ARHGEF40: variants seen among roughly 807,000 people sequenced by gnomAD.
ARHGEF40 encodes Rho guanine nucleotide exchange factor 40, also known as Rho guanine nucleotide exchange factor (GEF) 40.
Under a neutral mutation model 165.9 loss-of-function variants are expected in ARHGEF40, and 98 were observed. The observed-to-expected ratio is 0.59, with a 90% CI of 0.50 to 0.70. ARHGEF40 has a LOEUF of 0.70. Ranked by LOEUF, ARHGEF40 falls within the 30% of genes least tolerant of loss-of-function variation. The pLI is 0.00. For synonymous variants in ARHGEF40, 792 were observed against 814.3 expected (o/e 0.97, Z 0.47); for missense variants, 1,815 against 1,968.0 (o/e 0.92, Z 1.47).
Position 21,089,232 on chromosome 14 carries a change from GCCTTCATAC to G in ARHGEF40, c.*228_*236del, listed in dbSNP as rs556378240. ...AGGAGTCAGAGCAGCCACATTGCTT[GCCTTCATAC>G]CCTGGAGGTGGGGAAGTTATCCCTC... On this transcript the variant is annotated 3_prime_UTR_variant, in exon 24 of 24. Coordinates refer to ENST00000298694, the MANE Select transcript of ARHGEF40 (RefSeq NM_018071.5). 9 of 229,546 alleles carry G rather than the reference GCCTTCATAC, an allele frequency of 3.9e-5. No homozygotes were observed. The highest frequency in any genetic ancestry group is 7.7e-5 in the Non-Finnish European group (9 of 117,498). The allele number at this position is 229,546 out of a possible 1,614,324, so 14.2% of individuals were successfully genotyped here. A position where few individuals can be genotyped will look rare whatever the true frequency, so the allele number is the denominator to read the frequency against.
chr14:21,075,459 A>G lies in ARHGEF40; in HGVS notation c.1578A>G (p.Val526=), dbSNP rs766768821. The G allele has an allele frequency of 3.7e-6, 6 of 1,614,086 alleles. No individual in the cohort carries two copies. The South Asian group carries it at 5.5e-5, about 15-fold the overall frequency. Residue 526 remains valine, a synonymous_variant, in exon 4 of 24, where the codon GTA becomes GTG. Coordinates refer to ENST00000298694, the MANE Select transcript of ARHGEF40 (RefSeq NM_018071.5). This position sits in a 1 kb window ranked among gnomAD's most constrained non-coding sequence, Gnocchi z 4.5. ...TCTCCGTCTCTGATCACCCTGATGT[A>G]GCTTGGGACTTGATGGCATCTGGAT... ...LAVSVSDHPD[V]AWDLMASGFL...
chr14:21,075,342 C>T lies in ARHGEF40; in HGVS notation c.1461C>T (p.Gly487=). 1 of 1,614,006 alleles carries T rather than the reference C, an allele frequency of 6.2e-7. No individual in the cohort carries two copies. The highest frequency in any genetic ancestry group is 2.2e-5 in the East Asian group (1 of 44,876). The change falls in exon 4 of 24, where the codon GGC becomes GGT. Residue 487 remains glycine, a synonymous_variant. Coordinates refer to ENST00000298694, the MANE Select transcript of ARHGEF40 (RefSeq NM_018071.5). This position sits in a 1 kb window ranked among gnomAD's most constrained non-coding sequence, Gnocchi z 4.5. The part of the protein sequence containing the change: ...PGLLCMAGHT[G]PEGPLSDTPT... ...TCTGTGTCTGTGCAGGACACACAGG[C>T]CCAGAAGGCCCCCTGTCTGACACTC...
At position 21,078,756 on chromosome 14, in the gene ARHGEF40, G is replaced by GTTCA. The variant is rs1437984935; in HGVS notation, c.2247-127_2247-124dup. The stretch of plus-strand genomic sequence containing the variant: ...CAGGATTCAAACCAAAGCAGTCAGG[G>GTTCA]TTCAGCCCATGCTTTTGATCCATGC... On this transcript the variant is annotated intron_variant, in intron 10 of 23. Transcript: ENST00000298694. 3 of 1,373,602 alleles carry GTTCA rather than the reference G, an allele frequency of 2.2e-6. No individual in the cohort carries two copies. The East Asian group carries it at 7.1e-5, about 32-fold the overall frequency. 85.1% of individuals were successfully genotyped at this position (1,373,602 alleles called of 1,614,324 possible).
rs1352300155 is a variant in ARHGEF40, at chr14:21,081,019, G to C, written c.2640+3G>C. ...GGCTACAGCGCTTCTTCCAGCAGGT[G>C]CATGCAGAGCCTTTTCCTTCTGTGC... On this transcript the variant is annotated splice_donor_region_variant and intron_variant, in intron 13 of 23. Coordinates refer to ENST00000298694, the MANE Select transcript of ARHGEF40 (RefSeq NM_018071.5). 6.2e-7 allele frequency: 1 copy of C among 1,611,010 alleles called. No individual in the cohort carries two copies. Among genetic ancestry groups the C allele is most frequent in the East Asian group, 2.2e-5 (1 of 44,804 alleles).
At position 21,080,904 on chromosome 14, in the gene ARHGEF40, C is replaced by A. The variant is rs1394191578; in HGVS notation, c.2528C>A (p.Ala843Asp). The change falls in exon 13 of 24, where the codon GCT (alanine) becomes GAT (aspartate). Residue 843 changes from alanine to aspartate, a missense_variant. Ala to Asp is a moderately radical substitution (Grantham distance 126). Transcript: ENST00000298694. ...CTGGCCCAGGCACGGGAGGCCCTGG[C>A]TCTGGAGGAGAATGCCACCTCCCAG... Reference protein sequence around the residue: ...ERLAQAREALALEENATSQKV... With the variant: ...ERLAQAREALDLEENATSQKV... 1 of 1,614,048 alleles carries A rather than the reference C, an allele frequency of 6.2e-7. No homozygotes were observed. Among genetic ancestry groups the A allele is most frequent in the African/African-American group, 1.3e-5 (1 of 74,936 alleles).
chr14:21,088,719 T>G, intron 22 of ARHGEF40, 111 bp from the exon 23 acceptor site: 1 of 1,161,388 alleles, frequency 8.6e-7, no homozygotes, highest in Admixed American at 2.5e-5. Context: ...ATTCAAGGAT[T>G]TTGGGTAGGA....
rs914055508 is a variant in ARHGEF40, at chr14:21,072,052, T to G, written c.4-993T>G. Reference sequence around the variant, plus strand: ...CTGCATTGAGTATCCCCTTCCCCATTTACAGCAAAAAAGAAAAAAAAATTC... The same window carrying G: ...CTGCATTGAGTATCCCCTTCCCCATGTACAGCAAAAAAGAAAAAAAAATTC... On this transcript the variant is annotated intron_variant, in intron 1 of 23. Coordinates refer to ENST00000298694, the MANE Select transcript of ARHGEF40 (RefSeq NM_018071.5). This position sits in a 1 kb window ranked among gnomAD's most constrained non-coding sequence, Gnocchi z 4.1. 6.6e-6 allele frequency among the ~76,000 whole-genome samples: 1 copy of G among 151,934 alleles called. No homozygotes were observed. Among genetic ancestry groups the G allele is most frequent in the Non-Finnish European group, 1.5e-5 (1 of 67,964 alleles).
In ARHGEF40 at chr14:21,074,284, G is replaced by A. The variant is rs113574695; in HGVS notation, c.554G>A (p.Arg185Gln). 2.9e-5 allele frequency: 46 copies of A among 1,614,020 alleles called. No individual in the cohort carries two copies. The highest frequency in any genetic ancestry group is 9.3e-5 in the African/African-American group (7 of 74,928). Residue 185 changes from arginine (R) to glutamine (Q), a missense_variant, in exon 3 of 24, where the codon CGA (arginine) becomes CAA (glutamine). Coordinates refer to ENST00000298694, the MANE Select transcript of ARHGEF40 (RefSeq NM_018071.5). The surrounding 1 kb of genome is among the most constrained non-coding windows in gnomAD (Gnocchi z 4.8). ...CCCTGGGCTGAGCTCATCTGTCCAC[G>A]ATTTGTGCACAAAGAGGGCCTCATG... ...RLPWAELICP[R>Q]FVHKEGLMVG...
chr14:21,079,588 C>T (rs887356676), intron 11 of ARHGEF40, among the ~76,000 whole-genome samples: 46 of 152,222 alleles, frequency 3.0e-4, no homozygotes, highest in African/African-American at 1.1e-3. Context: ...TGCTCTCCAC[C>T]CTACCATGTG....
rs112084369 is a variant in ARHGEF40 at position 21,076,896 on chromosome 14, C to T, written c.2034+6C>T. 7 of 1,606,004 alleles carry T rather than the reference C, an allele frequency of 4.4e-6. No homozygotes were observed. In the African/African-American group the frequency reaches 5.3e-5, roughly 12 times the overall value. On this transcript the variant is annotated splice_donor_region_variant and intron_variant, in intron 8 of 23. Coordinates refer to ENST00000298694, the MANE Select transcript of ARHGEF40 (RefSeq NM_018071.5). The stretch of plus-strand genomic sequence containing the variant: ...ACTGGGTAGAGATACACCAGGTAAG[C>T]TTCCCCTCTACCACCTAGCATGCTG...
Position 21,089,853 on chromosome 14 carries a change from G to C in ARHGEF40, c.*845G>C, listed in dbSNP as rs151180024. 1,159 of 179,996 alleles carry C rather than the reference G, an allele frequency of 6.4e-3. 8 individuals are homozygous for C. The highest frequency in any genetic ancestry group is 0.025 in the African/African-American group (1,077 of 42,280). 11.1% of individuals were successfully genotyped at this position (179,996 alleles called of 1,614,324 possible). A position where few individuals can be genotyped will look rare whatever the true frequency, so the allele number is the denominator to read the frequency against. On this transcript the variant is annotated 3_prime_UTR_variant, in exon 24 of 24. Coordinates refer to ENST00000298694, the MANE Select transcript of ARHGEF40 (RefSeq NM_018071.5). Reference sequence around the variant, plus strand: ...CACAGTCCAGCAGTTCTCAAAATGAGGTCCTCAGGCCACAGTGCGTGAGAA... The same window carrying C: ...CACAGTCCAGCAGTTCTCAAAATGACGTCCTCAGGCCACAGTGCGTGAGAA...
intron 1 of ARHGEF40, among the ~76,000 whole-genome samples, chr14:21,071,359 C>G (rs1316872190): frequency 7.9e-5 from 12 of 152,050 alleles, no homozygotes; most frequent in Admixed American, 7.9e-4. Flanking sequence ...GGGCCGCTCG[C>G]TGCAGAGTGG....
the ARHGEF40 span, among the ~76,000 whole-genome samples, chr14:21,065,166 T>C: frequency 9.6e-4 from 143 of 148,914 alleles, no homozygotes; most frequent in African/African-American, 3.5e-3. Flanking sequence ...CAAAACTCCA[T>C]CTCAAAAAAA....
rs769779522 is a variant in ARHGEF40, at chr14:21,089,581, T to A, written c.*573T>A. 1 of 152,660 alleles carries A rather than the reference T, an allele frequency of 6.6e-6. No individual in the cohort carries two copies. The highest frequency in any genetic ancestry group is 1.5e-5 in the Non-Finnish European group (1 of 68,074). 9.5% of individuals were successfully genotyped at this position (152,660 alleles called of 1,614,324 possible). A position where few individuals can be genotyped will look rare whatever the true frequency, so the allele number is the denominator to read the frequency against. On this transcript the variant is annotated 3_prime_UTR_variant, in exon 24 of 24. Transcript: ENST00000298694. The stretch of plus-strand genomic sequence containing the variant: ...AAGGAGCTAGAGTAGTCCTCTGGAT[T>A]AAGGTGATAAATAACTTGAGCACTT...
At position 21,081,817 on chromosome 14, in the gene ARHGEF40, C is replaced by T. The variant is rs1213731240; in HGVS notation, c.2949C>T (p.Arg983=). ...ASSGGAQWGP[R]SPSPSLSSLL... is the part of the protein sequence containing the mutation. ...GTGGAGGGGCCCAGTGGGGGCCCCG[C>T]AGCCCCTCGCCCAGCCTCAGCTCCT... Residue 983 remains arginine (R), a synonymous_variant, in exon 14 of 24, where the codon CGC becomes CGT. Coordinates refer to ENST00000298694, the MANE Select transcript of ARHGEF40 (RefSeq NM_018071.5). 6.2e-7 allele frequency: 1 copy of T among 1,605,242 alleles called. No homozygotes were observed. Among genetic ancestry groups the T allele is most frequent in the African/African-American group, 1.3e-5 (1 of 74,832 alleles).
At position 21,073,073 on chromosome 14, in the gene ARHGEF40, AG is replaced by A; in HGVS notation, c.33del (p.Ser12AlafsTer34). MEPEPVEDCV[Q>X]STLAALYPPF... ...CCTGAGCCAGTGGAGGACTGTGTGC[AG>A]AGCACTCTCGCCGCCCTGTATCCAC... On this transcript the variant is annotated frameshift_variant, in exon 2 of 24. Coordinates refer to ENST00000298694, the MANE Select transcript of ARHGEF40 (RefSeq NM_018071.5). LOFTEE classifies it high-confidence loss of function. The surrounding 1 kb of genome is among the most constrained non-coding windows in gnomAD (Gnocchi z 4.6). The A allele has an allele frequency of 1.9e-6, 3 of 1,614,130 alleles. No individual in the cohort carries two copies. The highest frequency in any genetic ancestry group is 2.5e-6 in the Non-Finnish European group (3 of 1,179,994).
intron 19 of ARHGEF40, 57 bp from the exon 20 acceptor site, chr14:21,086,944 G>T: frequency 5.1e-6 from 7 of 1,369,790 alleles, no homozygotes; most frequent in Non-Finnish European, 7.1e-6. Context: ...ACCATGACAT[G>T]CTAGGGCTAG....
At chr14:21,081,465 C>A in intron 13 of ARHGEF40, 44 bp from the exon 14 acceptor site, 13 of 1,604,948 alleles carry the variant, frequency 8.1e-6, no homozygotes, top group Non-Finnish European at 1.1e-5. Context: ...GCAACACAGG[C>A]CCTTACCCTT....
rs766571035 is a variant in ARHGEF40, at chr14:21,082,900, C to T, written c.3556C>T (p.Leu1186Phe). ...CAAACTGGAGAATGGTCTGGCTGCGCTCAGTCCCTTAAGCAAGGTAACTTT... is the reference window on the plus strand; with the variant it reads ...CAAACTGGAGAATGGTCTGGCTGCGTTCAGTCCCTTAAGCAAGGTAACTTT... ...RHKLENGLAALSPLSKGSMEA... is the reference protein window; with the variant it reads ...RHKLENGLAAFSPLSKGSMEA... The change falls in exon 16 of 24, where the codon CTC becomes TTC. Residue 1186 changes from leucine to phenylalanine, a missense_variant. Physicochemically the swap from Leu to Phe is conservative, Grantham distance 22 (BLOSUM62 0). Coordinates refer to ENST00000298694, the MANE Select transcript of ARHGEF40 (RefSeq NM_018071.5). The T allele has an allele frequency of 6.2e-7, 1 of 1,614,140 alleles. No homozygotes were observed. Among genetic ancestry groups the T allele is most frequent in the Non-Finnish European group, 8.5e-7 (1 of 1,180,000 alleles).
Sources: gnomAD v4.1 joint callset for allele counts (sites outside exome capture counted in the v4.1 genomes callset) on GRCh38, gnomAD v4.1.1 for gene constraint, Gnocchi (gnomAD v3.1) non-coding constraint, MANE v1.5 for transcripts, NCBI Gene and HGNC (gene_info 2026-07-23, HGNC 2026-07-21) for gene names.